The following CLDN11 variants were observed in gnomAD, a reference collection of about 807,000 sequenced individuals.
CLDN11 encodes claudin 11.
A neutral mutation model predicts 18.0 loss-of-function variants in CLDN11; 1 was observed. The observed-to-expected ratio is 0.06, with a 90% CI of 0.02 to 0.26. The LOEUF is 0.26. CLDN11 is among the 10% of genes least tolerant of loss of function. The probability of loss-of-function intolerance (pLI) is 1.00; values close to 1 mark genes in which losing one functional copy is unlikely to be tolerated. For synonymous variants in CLDN11, 116 were observed against 121.5 expected (o/e 0.96, Z 0.30); for missense variants, 172 against 276.6 (o/e 0.62, Z 2.68).
At chr3:170,431,281 C>T (rs891710647) in intron 2 of CLDN11, among the ~76,000 whole-genome samples, 3 of 152,044 alleles carry the variant, frequency 2.0e-5, no homozygotes, top group African/African-American at 7.2e-5. Flanking sequence ...GATAACGGTA[C>T]CCCTGGTGGC....
rs1167207297 is a variant in CLDN11 at position 170,426,197 on chromosome 3, A to G, written c.391+2870A>G. On this transcript the variant is annotated intron_variant, in intron 2 of 2. Transcript: ENST00000064724. ...TGGTATGGGAACTGTGAACACTGCT[A>G]ATTGAAATCAGTTTTTCCTGACCCT... 2.6e-5 allele frequency among the ~76,000 whole-genome samples: 4 copies of G among 152,316 alleles called. No individual in the cohort carries two copies. The South Asian group carries it at 6.2e-4, about 24-fold the overall frequency.
Position 170,418,953 on chromosome 3 carries a change from C to A in CLDN11, c.-114C>A, listed in dbSNP as rs1029833324. On this transcript the variant is annotated 5_prime_UTR_variant, in exon 1 of 3. Coordinates refer to ENST00000064724, the MANE Select transcript of CLDN11 (RefSeq NM_005602.6). This position sits in a 1 kb window ranked among gnomAD's most constrained non-coding sequence, Gnocchi z 4.3. ...TCCACCTCCAGTGTCCCGCCTCGGGCCGTCGCCCTCCAGCGGCTCGCGAGC... is the reference window on the plus strand; with the variant it reads ...TCCACCTCCAGTGTCCCGCCTCGGGACGTCGCCCTCCAGCGGCTCGCGAGC... 1 of 783,452 alleles carries A rather than the reference C, an allele frequency of 1.3e-6. No individual in the cohort carries two copies. The highest frequency in any genetic ancestry group is 2.1e-6 in the Non-Finnish European group (1 of 482,170). The allele number at this position is 783,452 out of a possible 1,614,324, so 48.5% of individuals were successfully genotyped here.
chr3:170,421,995 C>T (rs1264904216), intron 1 of CLDN11, among the ~76,000 whole-genome samples: 1 of 152,214 alleles, frequency 6.6e-6, no homozygotes, highest in African/African-American at 2.4e-5. Flanking sequence ...CAGGTGTCTG[C>T]CCTCCAGGAA....
chr3:170,424,023 C>CAAAA lies in CLDN11; in HGVS notation c.391+708_391+711dup, dbSNP rs58373106. ...CATCCTGGGTGACAGAGTGCAACTC[C>CAAAA]AAAAAAAAAAAAAAAGAAAAAGAAA... is the stretch of plus-strand genomic sequence containing the variant. On this transcript the variant is annotated intron_variant, in intron 2 of 2. Coordinates refer to ENST00000064724, the MANE Select transcript of CLDN11 (RefSeq NM_005602.6). 2.2e-4 allele frequency among the ~76,000 whole-genome samples: 26 copies of CAAAA among 120,284 alleles called. 1 individual carries two copies. The highest frequency in any genetic ancestry group is 3.7e-4 in the Non-Finnish European group (22 of 60,230). 78.9% of individuals were successfully genotyped at this position (120,284 alleles called of 152,430 possible). A position where few individuals can be genotyped will look rare whatever the true frequency, so the allele number is the denominator to read the frequency against.
chr3:170,433,856 G>A lies in CLDN11; in HGVS notation c.*1100G>A, dbSNP rs914935182. ...GGTTTGTATGATGTAGTTTTTAATC[G>A]TACATTTTCATATGCTTCAAACTAA... On this transcript the variant is annotated 3_prime_UTR_variant, in exon 3 of 3. Transcript: ENST00000064724. The A allele has an allele frequency of 5.2e-5, 8 of 152,550 alleles. No individual in the cohort carries two copies. The highest frequency in any genetic ancestry group is 7.4e-5 in the Non-Finnish European group (5 of 68,024). The allele number at this position is 152,550 out of a possible 1,614,324, so 9.4% of individuals were successfully genotyped here.
At chr3:170,420,901 C>G (rs903348427) in intron 1 of CLDN11, among the ~76,000 whole-genome samples, 10 of 152,110 alleles carry the variant, frequency 6.6e-5, no homozygotes, top group Admixed American at 1.3e-4. Context: ...AGATCAACCA[C>G]CCATCTTTCA....
At chr3:170,424,034 A>AG (rs71884433) in intron 2 of CLDN11, among the ~76,000 whole-genome samples, 2,854 of 133,156 alleles carry the variant, frequency 0.021, 63 homozygotes, top group East Asian at 0.079. Flanking sequence ...AAAAAAAAAA[A>AG]AAAAGAAAAA....
rs1738805239 is a variant in CLDN11 at position 170,424,747 on chromosome 3, G to A, written c.391+1420G>A. ...TCAGATGATGAATTTGAGGGGTAAG[G>A]ATAAGGGGTCAGGGTTCTGTGTGGG... On this transcript the variant is annotated intron_variant, in intron 2 of 2. Coordinates refer to ENST00000064724, the MANE Select transcript of CLDN11 (RefSeq NM_005602.6). Among the ~76,000 whole-genome samples the A allele has an allele frequency of 2.0e-5, 3 of 152,310 alleles. 1 individual carries two copies. The highest frequency in any genetic ancestry group is 4.1e-4 in the South Asian group (2 of 4,824).
intron 1 of CLDN11, among the ~76,000 whole-genome samples, chr3:170,421,749 A>C (rs1738730503): frequency 6.6e-6 from 1 of 152,254 alleles, no homozygotes; most frequent in Non-Finnish European, 1.5e-5. Flanking sequence ...TACATTTGAA[A>C]GTGAAACAAA....
chr3:170,422,406 C>T (rs988612811), intron 1 of CLDN11, among the ~76,000 whole-genome samples: 5 of 152,082 alleles, frequency 3.3e-5, no homozygotes, highest in African/African-American at 4.8e-5. Flanking sequence ...ATATTATTAT[C>T]AATACTTTGT....
At chr3:170,428,113 C>G (rs951136810) in intron 2 of CLDN11, among the ~76,000 whole-genome samples, 1 of 149,226 alleles carries the variant, frequency 6.7e-6, no homozygotes. Context: ...CACCACTGCC[C>G]TCCAGCCTGG....
At chr3:170,432,020 A>G (rs1354817134) in intron 2 of CLDN11, among the ~76,000 whole-genome samples, 1 of 152,238 alleles carries the variant, frequency 6.6e-6, no homozygotes, top group Non-Finnish European at 1.5e-5. Flanking sequence ...TCATATTTGA[A>G]TAGCTCAGAT....
At chr3:170,427,161 G>A (rs73038378) in intron 2 of CLDN11, among the ~76,000 whole-genome samples, 1,836 of 152,212 alleles carry the variant, frequency 0.012, 48 homozygotes, top group African/African-American at 0.043. Context: ...TGTAATATAT[G>A]CTTCATCTTT....
chr3:170,430,941 T>C (rs1389809720), intron 2 of CLDN11, among the ~76,000 whole-genome samples: 1 of 152,218 alleles, frequency 6.6e-6, no homozygotes, highest in East Asian at 1.9e-4. Flanking sequence ...TCAAATTAAC[T>C]CTCTTCCTTC....
rs986707594 is a variant in CLDN11, at chr3:170,423,335, A to G, written c.391+8A>G. 6.2e-7 allele frequency: 1 copy of G among 1,613,688 alleles called. No homozygotes were observed. Among genetic ancestry groups the G allele is most frequent in the South Asian group, 1.1e-5 (1 of 91,036 alleles). On this transcript the variant is annotated splice_region_variant and intron_variant, in intron 2 of 2. Coordinates refer to ENST00000064724, the MANE Select transcript of CLDN11 (RefSeq NM_005602.6). ...TTTTGCTCATTCTGCTGGGTAAGAC[A>G]GCTTTCTCAGTGGTACCCTACCTAT...
In CLDN11 at chr3:170,421,707, T is replaced by G. The variant is rs1397940629; in HGVS notation, c.227-1456T>G. 3.3e-5 allele frequency among the ~76,000 whole-genome samples: 5 copies of G among 152,246 alleles called. No individual in the cohort carries two copies. The South Asian group carries it at 6.2e-4, about 19-fold the overall frequency. On this transcript the variant is annotated intron_variant, in intron 1 of 2. Coordinates refer to ENST00000064724, the MANE Select transcript of CLDN11 (RefSeq NM_005602.6). ...ATAAATGTGACCCCCCCCACCTTTT[T>G]TAAGAGGAGGGAGAGTTTTAATGAG...
At chr3:170,425,193 C>A (rs1738822887) in intron 2 of CLDN11, among the ~76,000 whole-genome samples, 1 of 152,176 alleles carries the variant, frequency 6.6e-6, no homozygotes, top group African/African-American at 2.4e-5. Context: ...TTTGCAGAAT[C>A]CAGGTGAAAC....
chr3:170,419,237 C>A lies in CLDN11; in HGVS notation c.171C>A (p.Val57=). The change falls in exon 1 of 3, where the codon GTC becomes GTA. Residue 57 remains valine, a synonymous_variant. Coordinates refer to ENST00000064724, the MANE Select transcript of CLDN11 (RefSeq NM_005602.6). This position sits in a 1 kb window ranked among gnomAD's most constrained non-coding sequence, Gnocchi z 8.6. ...LGSKGLWADC[V]MATGLYHCKP... ...CCAAGGGGCTGTGGGCCGACTGCGT[C>A]ATGGCCACGGGGCTGTACCACTGCA... 1 of 1,576,784 alleles carries A rather than the reference C, an allele frequency of 6.3e-7. No individual in the cohort carries two copies. The highest frequency in any genetic ancestry group is 2.4e-5 in the East Asian group (1 of 42,398).
rs778568932 is a variant in CLDN11 at position 170,432,581 on chromosome 3, C to T, written c.449C>T (p.Thr150Ile). 43 of 1,614,062 alleles carry T rather than the reference C, an allele frequency of 2.7e-5. No individual in the cohort carries two copies. The highest frequency in any genetic ancestry group is 3.6e-5 in the Non-Finnish European group (43 of 1,180,056). ...CCTGTGTGCGCCCACCGTGAGACCA[C>T]CATCGTGAGCTTTGGCTACTCCCTG... The part of the protein sequence containing the change: ...WFPVCAHRET[T>I]IVSFGYSLYA... Residue 150 changes from threonine to isoleucine, a missense_variant, in exon 3 of 3, where the codon ACC (threonine) becomes ATC (isoleucine). Physicochemically the swap from Thr to Ile is moderately conservative, Grantham distance 89. Coordinates refer to ENST00000064724, the MANE Select transcript of CLDN11 (RefSeq NM_005602.6).
Sources: allele counts gnomAD v4.1 joint callset (sites outside exome capture counted in the v4.1 genomes callset), GRCh38; gene constraint gnomAD v4.1.1; non-coding constraint Gnocchi (gnomAD v3.1); transcripts MANE v1.5; gene names NCBI Gene and HGNC (gene_info 2026-07-23, HGNC 2026-07-21).